The following SHPRH variants were observed in gnomAD, a reference collection of about 807,000 sequenced individuals.
The protein encoded by SHPRH is E3 ubiquitin-protein ligase SHPRH.
SHPRH carries 106 observed loss-of-function variants against 202.5 expected under a neutral mutation model. The observed-to-expected ratio is 0.52, with a 90% confidence interval of 0.45 to 0.62. The LOEUF (loss-of-function observed/expected upper bound fraction) is 0.62, where lower values mean the gene tolerates loss of function less well. Among genes scored for constraint, SHPRH ranks in the 20% least tolerant of loss-of-function variants. SHPRH has a pLI of 0.00. For missense variants in SHPRH, 1,710 were observed against 2,020.0 expected, an observed-to-expected ratio of 0.85 and a Z score of 2.94; for synonymous variants, 729 against 686.0, an observed-to-expected ratio of 1.06 and a Z score of -0.98.
intron 25 of SHPRH, among the ~76,000 whole-genome samples, chr6:145,902,478 G>A (rs1339480510): frequency 6.6e-6 from 1 of 151,986 alleles, no homozygotes; most frequent in African/African-American, 2.4e-5. Context: ...TTGTTTCTTT[G>A]CCATAAATTC....
chr6:145,883,610 G>C (rs548074566), downstream of SHPRH: 11 of 152,304 alleles, frequency 7.2e-5, 1 homozygote, highest in South Asian at 2.1e-3. Context: ...CAATGTAACA[G>C]AGGTACACAG....
At chr6:145,941,069 C>T (rs1786717155) in intron 10 of SHPRH, among the ~76,000 whole-genome samples, 1 of 152,110 alleles carries the variant, frequency 6.6e-6, no homozygotes, top group Admixed American at 6.6e-5. Flanking sequence ...GAAAAAGCCC[C>T]CTGAATAACT....
chr6:145,934,078 C>T (rs1012220883), intron 13 of SHPRH, among the ~76,000 whole-genome samples: 3 of 152,200 alleles, frequency 2.0e-5, no homozygotes, highest in African/African-American at 7.2e-5. Context: ...GTGGTTCATG[C>T]CTGTCATCCC....
intron 26 of SHPRH, among the ~76,000 whole-genome samples, chr6:145,894,476 C>T (rs1174840084): frequency 6.8e-6 from 1 of 146,604 alleles, no homozygotes; most frequent in Non-Finnish European, 1.5e-5. Context: ...GATAAACAAA[C>T]AGTAGAAAAT....
intron 25 of SHPRH, chr6:145,908,764 T>G (rs1312901982): frequency 2.0e-5 from 3 of 152,182 alleles, no homozygotes; most frequent in Non-Finnish European, 4.4e-5. Flanking sequence ...TTAGATTCCC[T>G]TTGTCAATTT....
intron 1 of SHPRH, among the ~76,000 whole-genome samples, chr6:145,958,717 T>C (rs1406505403): frequency 6.6e-6 from 1 of 152,220 alleles, no homozygotes; most frequent in African/African-American, 2.4e-5. Flanking sequence ...CAGTTATGCA[T>C]TGTATAATGA....
At chr6:145,902,166 C>T (rs1782559678) in intron 25 of SHPRH, among the ~76,000 whole-genome samples, 1 of 152,014 alleles carries the variant, frequency 6.6e-6, no homozygotes, top group Non-Finnish European at 1.5e-5. Flanking sequence ...GTTAAAAGCT[C>T]CAGAATTTGG....
downstream of SHPRH, among the ~76,000 whole-genome samples, chr6:145,863,287 T>C (rs1015168546): frequency 2.0e-5 from 3 of 152,232 alleles, no homozygotes; most frequent in Admixed American, 6.5e-5. Context: ...TGCCAATGAT[T>C]TGATTTAAGC....
intron 14 of SHPRH, among the ~76,000 whole-genome samples, chr6:145,928,455 A>G (rs1785100230): frequency 6.6e-6 from 1 of 151,916 alleles, no homozygotes; most frequent in African/African-American, 2.4e-5. Flanking sequence ...AGTATCACAC[A>G]TACTTTCTTT....
intron 8 of SHPRH, 66 bp from the exon 9 acceptor site, chr6:145,943,868 TTATGTAA>T (rs1787073880): frequency 1.5e-6 from 2 of 1,370,326 alleles, no homozygotes; most frequent in Non-Finnish European, 2.0e-6. Context: ...ACTCCTGACT[TTATGTAA>T]GTACTTCATA....
At chr6:145,930,349 G>T (rs1164387757) in intron 14 of SHPRH, among the ~76,000 whole-genome samples, 1 of 151,140 alleles carries the variant, frequency 6.6e-6, no homozygotes, top group Admixed American at 6.6e-5. Context: ...TGAAGTCTCC[G>T]ATATGAAACT....
intron 29 of SHPRH, among the ~76,000 whole-genome samples, chr6:145,887,627 C>T (rs542198558): frequency 1.7e-4 from 25 of 151,426 alleles, no homozygotes; most frequent in Admixed American, 1.3e-3. Flanking sequence ...CCTCCACCTC[C>T]GGGGTTCAAG....
In SHPRH at chr6:145,954,741, CT is replaced by C. The variant is rs1562374221; in HGVS notation, c.581del (p.Lys194ArgfsTer5). On this transcript the variant is annotated frameshift_variant, in exon 2 of 30. Coordinates refer to ENST00000275233, the MANE Select transcript of SHPRH (RefSeq NM_001042683.3). LOFTEE classifies it high-confidence loss of function. Reference protein sequence around the residue: ...EMLEDLGWLQKKRRIKLYQKP... With the variant: ...EMLEDLGWLQXKRRIKLYQKP... ...TCTGATAGAGTTTTATTCTTCTCTT[CT>C]TTTGTAGCCACCCCAAATCTTCTAA... The C allele has an allele frequency of 1.2e-6, 2 of 1,607,176 alleles. No homozygotes were observed. Among genetic ancestry groups the C allele is most frequent in the Non-Finnish European group, 1.7e-6 (2 of 1,178,184 alleles).
At chr6:145,862,323 G>A (rs1779606719), downstream of SHPRH, among the ~76,000 whole-genome samples, 1 of 151,850 alleles carries the variant, frequency 6.6e-6, no homozygotes, top group Admixed American at 6.6e-5. Flanking sequence ...GCGCGGTGGC[G>A]GGTGCCTGTA....
chr6:145,953,077 T>G (rs2128801696), intron 2 of SHPRH, among the ~76,000 whole-genome samples: 1 of 152,202 alleles, frequency 6.6e-6, no homozygotes, highest in South Asian at 2.1e-4. Flanking sequence ...GTGTTCTCAT[T>G]TACAAAATGG....
chr6:145,896,462 G>C (rs568337218), intron 25 of SHPRH, among the ~76,000 whole-genome samples: 2 of 152,102 alleles, frequency 1.3e-5, no homozygotes, highest in African/African-American at 4.8e-5. Context: ...CAAAAAAAAT[G>C]TAGAATAAAT....
At chr6:145,942,749 T>C (rs1360253377) in intron 9 of SHPRH, among the ~76,000 whole-genome samples, 1 of 152,186 alleles carries the variant, frequency 6.6e-6, no homozygotes, top group Non-Finnish European at 1.5e-5. Flanking sequence ...CTGAGGTAAC[T>C]GAAGCTTTAG....
At chr6:145,945,095 T>G (rs552072314) in intron 8 of SHPRH, among the ~76,000 whole-genome samples, 1 of 152,240 alleles carries the variant, frequency 6.6e-6, no homozygotes, top group East Asian at 1.9e-4. Context: ...TGCTTTATAC[T>G]CTATAATACG....
At chr6:145,906,860 T>C (rs1311723733) in intron 25 of SHPRH, 3 of 152,202 alleles carry the variant, frequency 2.0e-5, no homozygotes, top group African/African-American at 4.8e-5. Context: ...GTCCACATTG[T>C]AGTTGATCCA....
Sources: allele counts gnomAD v4.1 joint callset (sites outside exome capture counted in the v4.1 genomes callset), GRCh38; gene constraint gnomAD v4.1.1; transcripts MANE v1.5; gene names NCBI Gene and HGNC (gene_info 2026-07-23, HGNC 2026-07-21).